The following SYNE1 variants were observed in gnomAD, a reference collection of about 807,000 sequenced individuals.
The protein encoded by SYNE1 is spectrin repeat containing nuclear envelope protein 1.
A neutral mutation model predicts 1,111.0 loss-of-function variants in SYNE1; 616 were observed. The observed-to-expected ratio is 0.55, with a 90% CI of 0.52 to 0.59. The LOEUF is 0.59. SYNE1 is among the 20% of genes least tolerant of loss of function. SYNE1 has a pLI of 0.00. For synonymous variants in SYNE1, 3,855 were observed against 3,825.8 expected (o/e 1.01, Z -0.28); for missense variants, 10,006 against 10,417.0 (o/e 0.96, Z 1.72).
intron 108 of SYNE1, among the ~76,000 whole-genome samples, chr6:152,238,474 G>A (rs1169644915): frequency 6.6e-6 from 1 of 152,164 alleles, no homozygotes; most frequent in Non-Finnish European, 1.5e-5. Flanking sequence ...GATTTCAAAC[G>A]TTAAAGGTAG....
intron 11 of SYNE1, among the ~76,000 whole-genome samples, chr6:152,495,785 G>C (rs372214275): frequency 2.0e-5 from 3 of 152,324 alleles, no homozygotes; most frequent in East Asian, 3.9e-4. Flanking sequence ...GGACGCAGCA[G>C]CAGGGGCCAC....
chr6:152,417,966 G>C (rs1172835636), intron 40 of SYNE1, among the ~76,000 whole-genome samples: 1 of 151,976 alleles, frequency 6.6e-6, no homozygotes, highest in African/African-American at 2.4e-5. Flanking sequence ...AATTTGACTA[G>C]CTCACAATAA....
At chr6:152,202,652 T>G (rs547917640) in intron 126 of SYNE1, among the ~76,000 whole-genome samples, 146 of 152,292 alleles carry the variant, frequency 9.6e-4, no homozygotes, top group African/African-American at 3.4e-3. Context: ...TATCCAAGAA[T>G]GTTATCTGAA....
Position 152,396,819 on chromosome 6 carries a change from A to G in SYNE1, c.7512T>C (p.Leu2504=), listed in dbSNP as rs571107594. The change falls in exon 50 of 146, where the codon CTT becomes CTC. Residue 2504 remains leucine, a synonymous_variant. Coordinates refer to ENST00000367255, the MANE Select transcript of SYNE1 (RefSeq NM_182961.4). ...EEFQAFLKQC[L]KDKQALQDCA... is the part of the protein sequence containing the mutation. ...AGTCTTGAAGAGCCTGCTTATCTTT[A>G]AGGCATTGTTTCAGAAATGCTTGAA... 1.2e-5 allele frequency: 20 copies of G among 1,614,058 alleles called. No homozygotes were observed. Among genetic ancestry groups the G allele is most frequent in the Non-Finnish European group, 1.5e-5 (18 of 1,180,016 alleles).
chr6:152,588,622 G>A (rs564861281), intron 3 of SYNE1, among the ~76,000 whole-genome samples: 1 of 152,174 alleles, frequency 6.6e-6, no homozygotes, highest in Non-Finnish European at 1.5e-5. Context: ...GGTTGGGGAG[G>A]AGGGATGTGT....
At chr6:152,517,048 C>T (rs2099115856) in intron 6 of SYNE1, among the ~76,000 whole-genome samples, 2 of 152,210 alleles carry the variant, frequency 1.3e-5, no homozygotes, top group South Asian at 4.1e-4. Flanking sequence ...TTGTTTTGCA[C>T]ACTATCCTAA....
At chr6:152,227,067 G>A (rs1228019159) in intron 115 of SYNE1, among the ~76,000 whole-genome samples, 1 of 152,086 alleles carries the variant, frequency 6.6e-6, no homozygotes, top group Admixed American at 6.6e-5. Flanking sequence ...AAATTGGATA[G>A]TGCTGCTGAT....
intron 11 of SYNE1, among the ~76,000 whole-genome samples, chr6:152,492,102 C>T (rs988086150): frequency 9.9e-5 from 15 of 152,262 alleles, no homozygotes; most frequent in East Asian, 3.9e-4. Flanking sequence ...GGCTCTTTTT[C>T]GTCAAGTATA....
Position 152,308,541 on chromosome 6 carries a change from G to A in SYNE1, c.17294C>T (p.Pro5765Leu). 1.2e-6 allele frequency: 2 copies of A among 1,613,988 alleles called. No individual in the cohort carries two copies. The highest frequency in any genetic ancestry group is 1.7e-6 in the Non-Finnish European group (2 of 1,180,020). Residue 5765 changes from proline (P) to leucine (L), a missense_variant, in exon 91 of 146, where the codon CCT becomes CTT. Transcript: ENST00000367255. ...CTCCTGTATGTTACTGGTGGCAACA[G>A]GTTTATCCTCAATCTCTCTGTGAGC... ...EGAHREIEDK[P>L]VATSNIQELQ...
At chr6:152,230,724 A>G (rs746852364) in intron 114 of SYNE1, 22 bp from the exon 115 acceptor site, 26 of 1,612,824 alleles carry the variant, frequency 1.6e-5, no homozygotes, top group Non-Finnish European at 2.1e-5. Context: ...CAATAAAATG[A>G]AATTTGCAAC....
intron 105 of SYNE1, among the ~76,000 whole-genome samples, chr6:152,247,750 T>C (rs28690921): frequency 0.092 from 10,307 of 112,176 alleles, 481 homozygotes; most frequent in East Asian, 0.17. Context: ...TATATATATA[T>C]ACACACACAC....
At chr6:152,348,072 A>G (rs1263869924) in intron 72 of SYNE1, among the ~76,000 whole-genome samples, 1 of 152,196 alleles carries the variant, frequency 6.6e-6, no homozygotes, top group Non-Finnish European at 1.5e-5. Flanking sequence ...ATAATGTAAT[A>G]TCTAATTTTT....
At chr6:152,123,775 A>G (rs1339185923) in intron 145 of SYNE1, among the ~76,000 whole-genome samples, 2 of 152,222 alleles carry the variant, frequency 1.3e-5, no homozygotes, top group African/African-American at 2.4e-5. Context: ...ATCACCAAGG[A>G]TAAGGACATT....
At position 152,445,542 on chromosome 6, in the gene SYNE1, C is replaced by G. The variant is rs566925641; in HGVS notation, c.3670-964G>C. 7.3e-4 allele frequency among the ~76,000 whole-genome samples: 111 copies of G among 151,998 alleles called. 1 individual carries two copies. Among genetic ancestry groups the G allele is most frequent in the South Asian group, 1.2e-3 (6 of 4,814 alleles). On this transcript the variant is annotated intron_variant, in intron 29 of 145. Coordinates refer to ENST00000367255, the MANE Select transcript of SYNE1 (RefSeq NM_182961.4). ...CCTTCCAGTTTCTTCTTCTTTTATC[C>G]TATCTTTTTTCTTTGACTCTCTTCT...
intron 121 of SYNE1, 24 bp downstream of exon 121, chr6:152,218,233 G>T: frequency 6.2e-7 from 1 of 1,613,614 alleles, no homozygotes. Flanking sequence ...AAAAGATCTG[G>T]GACTCAGATT....
chr6:152,168,252 T>A (rs114233815), intron 130 of SYNE1: 1 of 685,884 alleles, frequency 1.5e-6, no homozygotes, highest in Admixed American at 2.2e-5. Context: ...AAAAGCTATA[T>A]CCTGCGTGGG....
intron 6 of SYNE1, among the ~76,000 whole-genome samples, chr6:152,511,972 T>A (rs1227695384): frequency 1.2e-4 from 19 of 152,114 alleles, no homozygotes. Flanking sequence ...TTTTAATAAT[T>A]CCTAACAAAT....
chr6:152,350,726 T>C lies in SYNE1; in HGVS notation c.11625A>G (p.Ser3875=), dbSNP rs1057518265. The C allele has an allele frequency of 1.9e-6, 3 of 1,614,112 alleles. No homozygotes were observed. The highest frequency in any genetic ancestry group is 2.5e-6 in the Non-Finnish European group (3 of 1,180,022). ...TVLSHEPSVK[S]VREKGEALLE... ...AAAGAGCTTCACCCTTCTCTCTCAC[T>C]GACTTTACTGATGGTTCATGGGACA... The change falls in exon 71 of 146, where the codon TCA becomes TCG. Residue 3875 remains serine, a synonymous_variant. Coordinates refer to ENST00000367255, the MANE Select transcript of SYNE1 (RefSeq NM_182961.4).
At chr6:152,483,293 T>C (rs373097031) in intron 13 of SYNE1, 44 bp from the exon 14 acceptor site, 6 of 1,560,566 alleles carry the variant, frequency 3.8e-6, no homozygotes, top group Admixed American at 1.7e-5. Flanking sequence ...TTAATACAGA[T>C]GGCAATTTAT....
Sources: gnomAD v4.1 joint callset for allele counts (sites outside exome capture counted in the v4.1 genomes callset) on GRCh38, gnomAD v4.1.1 for gene constraint, MANE v1.5 for transcripts, NCBI Gene and HGNC (gene_info 2026-07-23, HGNC 2026-07-21) for gene names.